ATAD2B: variants seen among roughly 807,000 people sequenced by gnomAD.
ATAD2B encodes the protein ATPase family AAA domain-containing protein 2B.
Under a neutral mutation model 167.6 loss-of-function variants are expected in ATAD2B, and 40 were observed. The ratio of observed to expected loss-of-function variants is 0.24; its 90% CI spans 0.19 to 0.31. The LOEUF (loss-of-function observed/expected upper bound fraction) is 0.31. Among genes scored for constraint, ATAD2B ranks in the 10% least tolerant of loss-of-function variants. The pLI is 1.00. For missense variants in ATAD2B, 1,242 were observed against 1,757.2 expected (o/e 0.71, Z 5.24); for synonymous variants, 579 against 596.5 (o/e 0.97, Z 0.43).
At chr2:23,843,177 GT>G (rs1395747861) in intron 13 of ATAD2B, among the ~76,000 whole-genome samples, 1 of 152,136 alleles carries the variant, frequency 6.6e-6, no homozygotes, top group East Asian at 1.9e-4. Context: ...ACAATCAAAT[GT>G]AAGTCCTAGG....
In ATAD2B at chr2:23,878,025, A is replaced by AAAAAAAAAAAAAAAAAAAAAAAAAAAG. The variant is rs1558714074; in HGVS notation, c.902-2122_902-2121insCTTTTTTTTTTTTTTTTTTTTTTTTTT. ...ACCCTATCTCCAAAGAAAAAAAAAA[A>AAAAAAAAAAAAAAAAAAAAAAAAAAAG]AAAAAAAAAAAAAAGCAAAATGTAT... On this transcript the variant is annotated intron_variant, in intron 7 of 27. Transcript: ENST00000238789. Among the ~76,000 whole-genome samples the AAAAAAAAAAAAAAAAAAAAAAAAAAAG allele has an allele frequency of 5.0e-4, 54 of 106,946 alleles. 2 individuals carry two copies. Among genetic ancestry groups the AAAAAAAAAAAAAAAAAAAAAAAAAAAG allele is most frequent in the Non-Finnish European group, 1.0e-3 (47 of 47,176 alleles). 70.2% of individuals were successfully genotyped at this position (106,946 alleles called of 152,430 possible).
the ATAD2B span, among the ~76,000 whole-genome samples, chr2:23,717,670 G>C: frequency 6.6e-6 from 1 of 152,020 alleles, no homozygotes; most frequent in Admixed American, 6.6e-5. Context: ...GGATCGAGAG[G>C]AAATACTATA....
chr2:23,826,282 G>A (rs150926655), intron 15 of ATAD2B, among the ~76,000 whole-genome samples: 1 of 152,168 alleles, frequency 6.6e-6, no homozygotes, highest in Non-Finnish European at 1.5e-5. Context: ...TGGCTAAATG[G>A]GTTATACTTA....
At chr2:23,903,060 C>A (rs964832148) in intron 1 of ATAD2B, among the ~76,000 whole-genome samples, 15 of 151,938 alleles carry the variant, frequency 9.9e-5, no homozygotes. Flanking sequence ...AATGGCAAGA[C>A]CGTGTCTCTA....
chr2:23,807,711 G>A lies in ATAD2B; in HGVS notation c.2454+2605C>T, dbSNP rs1160502308. Among the ~76,000 whole-genome samples the A allele has an allele frequency of 1.1e-4, 16 of 150,896 alleles. No individual in the cohort carries two copies. In the Admixed American group the frequency reaches 1.1e-3, roughly 10 times the overall value. Reference sequence around the variant, plus strand: ...CGCACCTGTAGTCCCAGCTACTTGGGAGGCTGACGCAGGAGAATCGCTTGA... The same window carrying A: ...CGCACCTGTAGTCCCAGCTACTTGGAAGGCTGACGCAGGAGAATCGCTTGA... On this transcript the variant is annotated intron_variant, in intron 18 of 27. Coordinates refer to ENST00000238789, the MANE Select transcript of ATAD2B (RefSeq NM_017552.4).
chr2:23,818,389 T>A (rs2149608364), intron 17 of ATAD2B, among the ~76,000 whole-genome samples: 3 of 118,562 alleles, frequency 2.5e-5, no homozygotes, highest in Admixed American at 8.5e-5. Context: ...AAAAAAAAAT[T>A]GGCTTTCCCA....
At chr2:23,871,965 T>C (rs147927347) in intron 8 of ATAD2B, among the ~76,000 whole-genome samples, 1 of 152,120 alleles carries the variant, frequency 6.6e-6, no homozygotes, top group Non-Finnish European at 1.5e-5. Context: ...GCAACCACTG[T>C]CTCCTGGGTT....
the ATAD2B span, among the ~76,000 whole-genome samples, chr2:23,740,938 A>T: frequency 6.6e-6 from 1 of 152,332 alleles, no homozygotes; most frequent in Non-Finnish European, 1.5e-5. Context: ...ATCATGAGTG[A>T]ACTCCCATTC....
intron 17 of ATAD2B, among the ~76,000 whole-genome samples, chr2:23,818,282 A>T: frequency 9.1e-6 from 1 of 109,798 alleles, no homozygotes; most frequent in African/African-American, 3.2e-5. Context: ...GGAGGGAAGA[A>T]GAGAGGGAGG....
the ATAD2B span, among the ~76,000 whole-genome samples, chr2:23,722,733 T>G: frequency 6.6e-6 from 1 of 152,030 alleles, no homozygotes; most frequent in Admixed American, 6.5e-5. Context: ...TCAAAGAACC[T>G]CAAACAGATT....
At chr2:23,762,461 G>A (rs1185225888) in intron 23 of ATAD2B, 115 bp from the exon 24 acceptor site, 2 of 992,284 alleles carry the variant, frequency 2.0e-6, no homozygotes, top group Admixed American at 3.5e-5. Flanking sequence ...ATTATACTAG[G>A]GCAGTTTGCA....
At chr2:23,832,363 T>C (rs950213750) in intron 14 of ATAD2B, 3 of 331,522 alleles carry the variant, frequency 9.0e-6, no homozygotes, top group Non-Finnish European at 1.9e-5. Context: ...CACAAAACTG[T>C]TTCCTCGAAA....
At chr2:23,773,942 A>C (rs1278646158) in intron 22 of ATAD2B, among the ~76,000 whole-genome samples, 1 of 152,204 alleles carries the variant, frequency 6.6e-6, no homozygotes, top group Non-Finnish European at 1.5e-5. Context: ...GTATCTATAA[A>C]ATTAATAGAA....
intron 1 of ATAD2B, among the ~76,000 whole-genome samples, chr2:23,923,451 A>T (rs1704246488): frequency 6.6e-6 from 1 of 152,128 alleles, no homozygotes; most frequent in African/African-American, 2.4e-5. Context: ...CATACTTAAA[A>T]TTTTCTAAGA....
chr2:23,809,627 T>G (rs1685238299), intron 18 of ATAD2B, among the ~76,000 whole-genome samples: 1 of 152,158 alleles, frequency 6.6e-6, no homozygotes, highest in Non-Finnish European at 1.5e-5. Flanking sequence ...TTTGAAACAT[T>G]ATTATTCAAA....
the ATAD2B span, chr2:23,691,959 G>A: frequency 1.4e-6 from 2 of 1,389,974 alleles, no homozygotes; most frequent in Non-Finnish European, 2.0e-6. Flanking sequence ...GACTGAGCGG[G>A]GAGGTCTGTG....
At chr2:23,780,745 C>CA (rs1308050105) in intron 22 of ATAD2B, among the ~76,000 whole-genome samples, 5 of 151,960 alleles carry the variant, frequency 3.3e-5, no homozygotes, top group African/African-American at 9.7e-5. Flanking sequence ...ACTAAAAATG[C>CA]AAAAATTAGC....
chr2:23,803,033 C>G (rs926284193), intron 18 of ATAD2B, among the ~76,000 whole-genome samples: 1 of 152,022 alleles, frequency 6.6e-6, no homozygotes, highest in Non-Finnish European at 1.5e-5. Context: ...AAATATAGCA[C>G]GCTTATCAGT....
In ATAD2B at chr2:23,884,641, A is replaced by G; in HGVS notation, c.784+124T>C. 3 of 481,966 alleles carry G rather than the reference A, an allele frequency of 6.2e-6. No homozygotes were observed. The South Asian group carries it at 1.4e-4, about 22-fold the overall frequency. 29.9% of individuals were successfully genotyped at this position (481,966 alleles called of 1,614,324 possible). A position where few individuals can be genotyped will look rare whatever the true frequency, so the allele number is the denominator to read the frequency against. On this transcript the variant is annotated intron_variant, in intron 6 of 27. Coordinates refer to ENST00000238789, the MANE Select transcript of ATAD2B (RefSeq NM_017552.4). ...CTGAATTTAAATTATTTCAAATTAT[A>G]CAATATAGACCTCAAAATCCAAAAA... is the stretch of plus-strand genomic sequence containing the variant.
Sources: gnomAD v4.1 joint callset for allele counts (sites outside exome capture counted in the v4.1 genomes callset) on GRCh38, gnomAD v4.1.1 for gene constraint, MANE v1.5 for transcripts, NCBI Gene and HGNC (gene_info 2026-07-23, HGNC 2026-07-21) for gene names.